SLC4A10: variants seen among roughly 807,000 people sequenced by gnomAD.
SLC4A10 encodes solute carrier family 4 member 10.
Under a neutral mutation model 137.7 loss-of-function variants are expected in SLC4A10, and 42 were observed. The ratio of observed to expected loss-of-function variants is 0.30; its 90% CI spans 0.24 to 0.39. SLC4A10 has a LOEUF of 0.39. Among genes scored for constraint, SLC4A10 ranks in the 10% least tolerant of loss-of-function variants. The pLI is 1.00. For synonymous variants in SLC4A10, 474 were observed against 464.1 expected, an observed-to-expected ratio of 1.02 and a Z score of -0.27; for missense variants, 925 against 1,355.0, an observed-to-expected ratio of 0.68 and a Z score of 4.98.
Position 161,942,907 on chromosome 2 carries a change from A to G in SLC4A10, c.2103+10A>G. On this transcript the variant is annotated intron_variant, in intron 16 of 26. Transcript: ENST00000446997. ...GAACCTAACTGTGTCAGTAAGTAAA[A>G]CACTGAAAAATAAGTCATACCTAAG... is the stretch of plus-strand genomic sequence containing the variant. The G allele has an allele frequency of 6.4e-7, 1 of 1,565,960 alleles. No homozygotes were observed. The highest frequency in any genetic ancestry group is 8.7e-7 in the Non-Finnish European group (1 of 1,151,592).
chr2:161,696,071 A>G (rs1471514660), intron 1 of SLC4A10, among the ~76,000 whole-genome samples: 1 of 123,928 alleles, frequency 8.1e-6, no homozygotes, highest in East Asian at 2.5e-4. Flanking sequence ...ACTTCCCCCC[A>G]CCCCACGACA....
chr2:161,814,268 TA>T (rs1553561621), intron 3 of SLC4A10, among the ~76,000 whole-genome samples: 1 of 152,048 alleles, frequency 6.6e-6, no homozygotes, highest in South Asian at 2.1e-4. Context: ...ATCAAAAAGT[TA>T]AAAAATAACA....
intron 1 of SLC4A10, among the ~76,000 whole-genome samples, chr2:161,697,117 T>C (rs1372301362): frequency 2.0e-5 from 3 of 152,212 alleles, no homozygotes; most frequent in African/African-American, 7.2e-5. Context: ...TTGAGAAGTG[T>C]TTGTTCATAT....
intron 3 of SLC4A10, among the ~76,000 whole-genome samples, chr2:161,813,918 C>T (rs2125649919): frequency 6.6e-6 from 1 of 152,140 alleles, no homozygotes; most frequent in East Asian, 1.9e-4. Context: ...TGCCTGGGGC[C>T]TAAGCATGAG....
chr2:161,811,847 C>T (rs1392390898), intron 3 of SLC4A10, among the ~76,000 whole-genome samples: 1 of 151,936 alleles, frequency 6.6e-6, no homozygotes, highest in Non-Finnish European at 1.5e-5. Context: ...GAAACTTATG[C>T]CATTTCTAAT....
chr2:161,839,712 A>C, intron 3 of SLC4A10, 77 bp from the exon 4 acceptor site: 1 of 1,541,944 alleles, frequency 6.5e-7, no homozygotes, highest in Admixed American at 1.7e-5. Context: ...GTGGTGCTGA[A>C]GGCAGTGACT....
At chr2:161,945,180 GTGTATATATATATA>G (rs1693518734) in intron 16 of SLC4A10, among the ~76,000 whole-genome samples, 2 of 94,738 alleles carry the variant, frequency 2.1e-5, no homozygotes, top group African/African-American at 9.7e-5. Flanking sequence ...TTAAGTTTGT[GTGTATATATATATA>G]TATATATATA....
rs61748242 is a variant in SLC4A10 at position 161,904,136 on chromosome 2, C to A, written c.1575C>A (p.Ile525=). 4.0e-3 allele frequency: 6,479 copies of A among 1,611,856 alleles called. 14 individuals are homozygous for A. The highest frequency in any genetic ancestry group is 4.9e-3 in the Non-Finnish European group (5,810 of 1,178,946). ...FLYCACMSPV[I]TFGGLLGEAT... is the part of the protein sequence containing the mutation. ...ACTGCGCGTGTATGTCTCCTGTCATCACGTTTGGAGGACTGCTGGGAGAAG... is the reference window on the plus strand; with the variant it reads ...ACTGCGCGTGTATGTCTCCTGTCATAACGTTTGGAGGACTGCTGGGAGAAG... Residue 525 remains isoleucine, a synonymous_variant, in exon 13 of 27, where the codon ATC becomes ATA. Transcript: ENST00000446997.
intron 1 of SLC4A10, among the ~76,000 whole-genome samples, chr2:161,647,426 G>A (rs2105542549): frequency 6.6e-6 from 1 of 152,098 alleles, no homozygotes; most frequent in East Asian, 1.9e-4. Flanking sequence ...TTTTCTGCAT[G>A]CAACTATAAT....
intron 2 of SLC4A10, among the ~76,000 whole-genome samples, chr2:161,798,043 C>T (rs138570689): frequency 6.6e-6 from 1 of 151,964 alleles, no homozygotes; most frequent in South Asian, 2.1e-4. Flanking sequence ...GGCACAGTAG[C>T]CTAGTAATAC....
intron 3 of SLC4A10, among the ~76,000 whole-genome samples, chr2:161,824,567 A>G (rs1424616110): frequency 6.6e-6 from 1 of 152,224 alleles, no homozygotes; most frequent in Non-Finnish European, 1.5e-5. Context: ...AGAGGAATTA[A>G]TAGAAGATGA....
At chr2:161,801,330 C>T (rs957234544) in intron 2 of SLC4A10, among the ~76,000 whole-genome samples, 2 of 151,910 alleles carry the variant, frequency 1.3e-5, no homozygotes, top group Non-Finnish European at 2.9e-5. Context: ...CTACTTACCT[C>T]TTAATCTTTT....
chr2:161,782,364 T>A (rs1303007783), intron 2 of SLC4A10, among the ~76,000 whole-genome samples: 1 of 151,940 alleles, frequency 6.6e-6, no homozygotes, highest in African/African-American at 2.4e-5. Flanking sequence ...CCTGGACTTA[T>A]TGGTGGGGAT....
At chr2:161,919,879 T>A (rs547582385) in intron 15 of SLC4A10, among the ~76,000 whole-genome samples, 1 of 152,286 alleles carries the variant, frequency 6.6e-6, no homozygotes, top group Non-Finnish European at 1.5e-5. Flanking sequence ...CTCTGAGGCA[T>A]GGCTGTGACA....
Position 161,979,974 on chromosome 2 carries a change from G to A in SLC4A10, c.*26+2214G>A, listed in dbSNP as rs549678135. ...CTGACAGTAGAATCTAAGAACTAAC[G>A]GCAAATTCTGTCTTATCTGGAGGAT... On this transcript the variant is annotated intron_variant, in intron 26 of 26. Coordinates refer to ENST00000446997, the MANE Select transcript of SLC4A10 (RefSeq NM_001178015.2). 9.9e-5 allele frequency among the ~76,000 whole-genome samples: 15 copies of A among 152,184 alleles called. No homozygotes were observed. In the South Asian group the frequency reaches 1.0e-3, roughly 11 times the overall value.
chr2:161,911,745 G>A (rs1685908829), intron 15 of SLC4A10, among the ~76,000 whole-genome samples: 1 of 152,014 alleles, frequency 6.6e-6, no homozygotes, highest in South Asian at 2.1e-4. Flanking sequence ...CATATTGTAT[G>A]AACATGTTTA....
chr2:161,803,728 C>CTG (rs1214613701), intron 2 of SLC4A10, among the ~76,000 whole-genome samples: 1 of 152,060 alleles, frequency 6.6e-6, no homozygotes, highest in African/African-American at 2.4e-5. Context: ...CCCACTTTAT[C>CTG]TGTAGAGGAT....
intron 11 of SLC4A10, among the ~76,000 whole-genome samples, chr2:161,900,451 C>G (rs1472022801): frequency 6.6e-6 from 1 of 152,114 alleles, no homozygotes; most frequent in Non-Finnish European, 1.5e-5. Flanking sequence ...CACCTCCTCA[C>G]GCCAACCTAC....
chr2:161,677,765 C>T (rs190590589), intron 1 of SLC4A10, among the ~76,000 whole-genome samples: 7 of 152,224 alleles, frequency 4.6e-5, no homozygotes, highest in Admixed American at 3.9e-4. Context: ...AAAACTGGTA[C>T]ATAGAGAATT....
Sources: gnomAD v4.1 joint callset for allele counts (sites outside exome capture counted in the v4.1 genomes callset) on GRCh38, gnomAD v4.1.1 for gene constraint, MANE v1.5 for transcripts, NCBI Gene and HGNC (gene_info 2026-07-23, HGNC 2026-07-21) for gene names.